MCCC2: variants seen among roughly 807,000 people sequenced by gnomAD.
The protein encoded by MCCC2 is methylcrotonyl-CoA carboxylase subunit 2, also known as methylcrotonoyl-CoA carboxylase beta chain, mitochondrial.
In MCCC2, 52 loss-of-function variants were observed where a neutral mutation model predicts 77.2. The ratio of observed to expected loss-of-function variants is 0.67; its 90% CI spans 0.54 to 0.85. MCCC2 has a LOEUF of 0.85. Among genes scored for constraint, MCCC2 ranks in the 40% least tolerant of loss-of-function variants. The pLI is 0.00. For missense variants in MCCC2, 682 were observed against 703.2 expected (o/e 0.97, Z 0.34); for synonymous variants, 253 against 248.4 (o/e 1.02, Z -0.18).
intron 8 of MCCC2, 48 bp from the exon 9 acceptor site, chr5:71,634,895 T>G (rs1159546382): frequency 6.6e-7 from 1 of 1,521,796 alleles, no homozygotes; most frequent in South Asian, 1.1e-5. Context: ...GATATTTAAT[T>G]ATTTTCCTTT....
chr5:71,607,413 G>A (rs1392990351), intron 6 of MCCC2, among the ~76,000 whole-genome samples: 10 of 148,958 alleles, frequency 6.7e-5, no homozygotes, highest in East Asian at 5.9e-4. Context: ...CTGTGGGATC[G>A]GTGGTGATAT....
intron 2 of MCCC2, among the ~76,000 whole-genome samples, chr5:71,595,863 T>TTAC (rs1745166112): frequency 6.6e-6 from 1 of 152,236 alleles, no homozygotes. Context: ...TTACTGCACT[T>TTAC]ATCATGGAAG....
At chr5:71,602,166 A>G in intron 4 of MCCC2, among the ~76,000 whole-genome samples, 1 of 151,348 alleles carries the variant, frequency 6.6e-6, no homozygotes, top group African/African-American at 2.4e-5. Flanking sequence ...TTTTTTTTTC[A>G]TTATTATTTT....
At chr5:71,636,050 T>A (rs981512864) in intron 10 of MCCC2, 6 of 364,856 alleles carry the variant, frequency 1.6e-5, no homozygotes, top group African/African-American at 1.3e-4. Context: ...ATACGTATAT[T>A]TTTTTGTTTT....
At chr5:71,647,659 A>C (rs973551214) in intron 13 of MCCC2, among the ~76,000 whole-genome samples, 1 of 152,018 alleles carries the variant, frequency 6.6e-6, no homozygotes, top group Non-Finnish European at 1.5e-5. Flanking sequence ...AGCACAGGAG[A>C]GGTGTTTTAG....
chr5:71,654,173 T>C (rs1310920032), intron 16 of MCCC2, among the ~76,000 whole-genome samples: 1 of 152,028 alleles, frequency 6.6e-6, no homozygotes, highest in Non-Finnish European at 1.5e-5. Flanking sequence ...TTTTTTGTAT[T>C]TTTTGTAGAG....
intron 3 of MCCC2, among the ~76,000 whole-genome samples, chr5:71,598,470 TGCCC>T (rs2112303359): frequency 6.6e-6 from 1 of 152,114 alleles, no homozygotes; most frequent in Admixed American, 6.5e-5. Flanking sequence ...GATGGAGTTT[TGCCC>T]TGTTGCCCAG....
rs1747642439 is a variant in MCCC2, at chr5:71,658,456, C to G, written c.*1596C>G. The G allele has an allele frequency of 6.6e-6, 1 of 152,206 alleles. No homozygotes were observed. The highest frequency in any genetic ancestry group is 1.5e-5 in the Non-Finnish European group (1 of 68,038). The allele number at this position is 152,206 out of a possible 1,614,324, so 9.4% of individuals were successfully genotyped here. On this transcript the variant is annotated 3_prime_UTR_variant, in exon 17 of 17. Coordinates refer to ENST00000340941, the MANE Select transcript of MCCC2 (RefSeq NM_022132.5). ...CACTATCTACTTCCTTTGTCATAAACTCATCATTTTCCTATAAACATTAAT... is the reference window on the plus strand; with the variant it reads ...CACTATCTACTTCCTTTGTCATAAAGTCATCATTTTCCTATAAACATTAAT...
intron 6 of MCCC2, among the ~76,000 whole-genome samples, chr5:71,625,654 A>G (rs1470847665): frequency 6.6e-6 from 1 of 152,244 alleles, no homozygotes; most frequent in Non-Finnish European, 1.5e-5. Context: ...GTAAGTGATA[A>G]TCACTTCTGT....
intron 7 of MCCC2, among the ~76,000 whole-genome samples, chr5:71,631,220 G>A (rs1022733001): frequency 6.6e-6 from 1 of 152,202 alleles, no homozygotes; most frequent in Non-Finnish European, 1.5e-5. Flanking sequence ...GCATAGAGGA[G>A]ATGACAGACA....
In MCCC2 at chr5:71,650,139, T is replaced by C. The variant is rs1441999880; in HGVS notation, c.1444T>C (p.Leu482=). 1.2e-6 allele frequency: 2 copies of C among 1,614,168 alleles called. No homozygotes were observed. Among genetic ancestry groups the C allele is most frequent in the African/African-American group, 1.3e-5 (1 of 75,070 alleles). Residue 482 remains leucine (L), a synonymous_variant, in exon 15 of 17, where the codon TTG becomes CTG. Coordinates refer to ENST00000340941, the MANE Select transcript of MCCC2 (RefSeq NM_022132.5). The part of the protein sequence containing the change: ...VMGGEQAANV[L]ATITKDQRAR... ...GGGAGGAGAGCAGGCAGCCAATGTG[T>C]TGGCCACGATAACAAAGGACCAAAG... is the stretch of plus-strand genomic sequence containing the variant.
intron 4 of MCCC2, 99 bp downstream of exon 4, chr5:71,599,859 T>C: frequency 3.2e-6 from 3 of 938,904 alleles, no homozygotes; most frequent in South Asian, 1.3e-5. Flanking sequence ...ATGCGATTTG[T>C]ATGCTATTTA....
intron 12 of MCCC2, 51 bp from the exon 13 acceptor site, chr5:71,646,160 A>AT (rs1747268078): frequency 6.8e-7 from 1 of 1,466,798 alleles, no homozygotes; most frequent in Non-Finnish European, 9.5e-7. Context: ...ATGCATGATG[A>AT]TAATAGAGTT....
chr5:71,610,811 C>A (rs1004014513), intron 6 of MCCC2, among the ~76,000 whole-genome samples: 1 of 151,328 alleles, frequency 6.6e-6, no homozygotes, highest in Non-Finnish European at 1.5e-5. Context: ...GCGGTGAAAC[C>A]CCGTCTCTAT....
intron 2 of MCCC2, 56 bp downstream of exon 2, chr5:71,593,048 G>T: frequency 3.7e-6 from 5 of 1,349,330 alleles, no homozygotes; most frequent in Non-Finnish European, 5.3e-6. Flanking sequence ...TCCTAAAATA[G>T]TTATTGCTTT....
At chr5:71,611,449 G>A (rs778338385) in intron 6 of MCCC2, among the ~76,000 whole-genome samples, 2 of 152,184 alleles carry the variant, frequency 1.3e-5, no homozygotes, top group African/African-American at 2.4e-5. Context: ...GTTTGTTAGA[G>A]CAAAAGTTAG....
At position 71,604,239 on chromosome 5, in the gene MCCC2, C is replaced by T. The variant is rs1745573374; in HGVS notation, c.512-117C>T. Reference sequence around the variant, plus strand: ...GAGGCTCTATAACAGTTTAGAAAGACAGGGCAAGTTTTTTGTGAATGTGAT... The same window carrying T: ...GAGGCTCTATAACAGTTTAGAAAGATAGGGCAAGTTTTTTGTGAATGTGAT... On this transcript the variant is annotated intron_variant, in intron 5 of 16. Transcript: ENST00000340941. 3.5e-6 allele frequency: 3 copies of T among 868,582 alleles called. No individual in the cohort carries two copies. The South Asian group carries it at 4.2e-5, about 12-fold the overall frequency. The allele number at this position is 868,582 out of a possible 1,614,324, so 53.8% of individuals were successfully genotyped here. A position where few individuals can be genotyped will look rare whatever the true frequency, so the allele number is the denominator to read the frequency against.
At chr5:71,596,400 T>C (rs978906415) in intron 3 of MCCC2, 36 bp downstream of exon 3, 8 of 1,521,520 alleles carry the variant, frequency 5.3e-6, no homozygotes, top group South Asian at 1.1e-5. Context: ...CAGAGTGTTC[T>C]CTGTTCCATA....
At chr5:71,653,415 C>T (rs749260986) in intron 16 of MCCC2, among the ~76,000 whole-genome samples, 22 of 149,482 alleles carry the variant, frequency 1.5e-4, no homozygotes, top group African/African-American at 1.7e-4. Context: ...TTCTGCATTC[C>T]GAAGACTAAT....
Sources: gnomAD v4.1 joint callset for allele counts (sites outside exome capture counted in the v4.1 genomes callset) on GRCh38, gnomAD v4.1.1 for gene constraint, MANE v1.5 for transcripts, NCBI Gene and HGNC (gene_info 2026-07-23, HGNC 2026-07-21) for gene names.